LRRC4C: variants seen among roughly 807,000 people sequenced by gnomAD.
The protein encoded by LRRC4C is leucine-rich repeat-containing protein 4C.
A neutral mutation model predicts 33.6 loss-of-function variants in LRRC4C; 5 were observed. The observed-to-expected ratio is 0.15, with a 90% confidence interval of 0.08 to 0.31. The LOEUF (loss-of-function observed/expected upper bound fraction) is 0.31, where lower values mean the gene tolerates loss of function less well. Among genes scored for constraint, LRRC4C ranks in the 10% least tolerant of loss-of-function variants. The pLI is 1.00. For synonymous variants in LRRC4C, 329 were observed against 302.0 expected (o/e 1.09, Z -0.93); for missense variants, 560 against 796.7 (o/e 0.70, Z 3.58).
At chr11:40,487,748 C>T (rs10837422) in intron 3 of LRRC4C, among the ~76,000 whole-genome samples, 6,247 of 152,094 alleles carry the variant, frequency 0.041, 334 homozygotes, top group African/African-American at 0.12. Flanking sequence ...AATCGTTAAA[C>T]TGTACAGATT....
At chr11:40,295,684 GGAAA>G (rs1370197949) in intron 4 of LRRC4C, among the ~76,000 whole-genome samples, 2 of 152,170 alleles carry the variant, frequency 1.3e-5, no homozygotes, top group Non-Finnish European at 2.9e-5. Context: ...ACATGCAAGA[GGAAA>G]GACTTTTCCT....
intron 5 of LRRC4C, among the ~76,000 whole-genome samples, chr11:40,214,610 C>A (rs1590729978): frequency 6.6e-6 from 1 of 152,084 alleles, no homozygotes; most frequent in South Asian, 2.1e-4. Flanking sequence ...AAATAAGATA[C>A]CAGAGAGCTC....
At chr11:40,155,262 G>C (rs1348619416) in intron 5 of LRRC4C, among the ~76,000 whole-genome samples, 1 of 151,916 alleles carries the variant, frequency 6.6e-6, no homozygotes, top group African/African-American at 2.4e-5. Context: ...AACTCTGAAA[G>C]AGTACAAAGA....
intron 3 of LRRC4C, among the ~76,000 whole-genome samples, chr11:40,468,754 A>T (rs545399045): frequency 6.6e-6 from 1 of 152,306 alleles, no homozygotes; most frequent in African/African-American, 2.4e-5. Flanking sequence ...TACAAGTCAA[A>T]CTAAGTATTA....
At position 40,837,239 on chromosome 11, in the gene LRRC4C, G is replaced by A. The variant is rs554871028; in HGVS notation, c.-407+96396C>T. 2.0e-5 allele frequency among the ~76,000 whole-genome samples: 3 copies of A among 152,122 alleles called. No individual in the cohort carries two copies. In the East Asian group the frequency reaches 5.8e-4, roughly 29 times the overall value. On this transcript the variant is annotated intron_variant, in intron 2 of 6. Coordinates refer to ENST00000528697, the MANE Select transcript of LRRC4C (RefSeq NM_001258419.2). ...AACTTCTGTACTAGTTAATTTCAAA[G>A]ATTCATTTCAGGTTTCAAATCTTAA... is the stretch of plus-strand genomic sequence containing the variant.
intron 3 of LRRC4C, among the ~76,000 whole-genome samples, chr11:40,548,914 A>G (rs1028964710): frequency 8.5e-5 from 13 of 152,138 alleles, no homozygotes; most frequent in African/African-American, 3.1e-4. Flanking sequence ...ACAAAATCAC[A>G]AAGCTAGCAA....
chr11:41,103,845 A>AT (rs1203607855), intron 1 of LRRC4C, among the ~76,000 whole-genome samples: 1 of 151,984 alleles, frequency 6.6e-6, no homozygotes, highest in Non-Finnish European at 1.5e-5. Flanking sequence ...TGGTCAACTG[A>AT]TTTTTGAGAA....
chr11:41,259,430 T>C (rs1021881659), intron 1 of LRRC4C, among the ~76,000 whole-genome samples: 14 of 152,188 alleles, frequency 9.2e-5, no homozygotes, highest in Admixed American at 8.5e-4. Context: ...ATTAATTTAT[T>C]CTTGTCTCTA....
intron 5 of LRRC4C, among the ~76,000 whole-genome samples, chr11:40,198,300 T>C (rs538409509): frequency 6.6e-6 from 1 of 152,330 alleles, no homozygotes; most frequent in East Asian, 1.9e-4. Context: ...TGAAGTCTGA[T>C]TCTAACTCAT....
At chr11:41,084,032 G>A (rs1939774897) in intron 1 of LRRC4C, among the ~76,000 whole-genome samples, 1 of 152,088 alleles carries the variant, frequency 6.6e-6, no homozygotes, top group Non-Finnish European at 1.5e-5. Context: ...TTAATTGATA[G>A]GTAAATAACA....
chr11:40,722,362 T>A lies in LRRC4C; in HGVS notation c.-406-74084A>T, dbSNP rs186249678. On this transcript the variant is annotated intron_variant, in intron 2 of 6. Coordinates refer to ENST00000528697, the MANE Select transcript of LRRC4C (RefSeq NM_001258419.2). ...GAGGTACCGCCGCTAAGCGCCTATT[T>A]GCCAGCCTTTACTCTTACGCGCCGT... 7.9e-4 allele frequency among the ~76,000 whole-genome samples: 121 copies of A among 152,288 alleles called. 1 individual carries two copies. Among genetic ancestry groups the A allele is most frequent in the African/African-American group, 2.9e-3 (119 of 41,578 alleles).
chr11:40,661,322 A>G (rs539600085), intron 2 of LRRC4C, among the ~76,000 whole-genome samples: 1 of 152,204 alleles, frequency 6.6e-6, no homozygotes, highest in African/African-American at 2.4e-5. Flanking sequence ...TATTGTATTT[A>G]GCTGTTCAAG....
intron 1 of LRRC4C, among the ~76,000 whole-genome samples, chr11:41,085,940 AAAAAAAAAAAAAGAAAGAAAAG>A (rs1939948571): frequency 1.3e-5 from 2 of 150,510 alleles, no homozygotes; most frequent in African/African-American, 4.8e-5. Flanking sequence ...AAAAAAAAAA[AAAAAAAAAAAAAGAAAGAAAAG>A]AAAAAAACTG....
intron 1 of LRRC4C, among the ~76,000 whole-genome samples, chr11:40,974,572 G>A (rs886860364): frequency 6.6e-6 from 1 of 152,152 alleles, no homozygotes; most frequent in African/African-American, 2.4e-5. Flanking sequence ...TAAAGTTCAA[G>A]CTTGTCAATA....
intron 5 of LRRC4C, 112 bp downstream of exon 5, chr11:40,241,407 A>C (rs1865917518): frequency 6.6e-6 from 1 of 152,110 alleles, no homozygotes; most frequent in Admixed American, 6.6e-5. Flanking sequence ...TAAATAAATA[A>C]ATAACAGAAG....
intron 3 of LRRC4C, among the ~76,000 whole-genome samples, chr11:40,408,877 A>T (rs1247951413): frequency 6.6e-6 from 1 of 152,008 alleles, no homozygotes; most frequent in African/African-American, 2.4e-5. Context: ...AAAAATTCCA[A>T]TGACATTTTT....
At chr11:41,027,137 T>C (rs1046312560) in intron 1 of LRRC4C, among the ~76,000 whole-genome samples, 2 of 151,708 alleles carry the variant, frequency 1.3e-5, no homozygotes, top group Non-Finnish European at 1.5e-5. Flanking sequence ...GGGGATATTC[T>C]ATTTGTCTCT....
At chr11:40,559,149 T>C (rs1957445683) in intron 3 of LRRC4C, among the ~76,000 whole-genome samples, 1 of 151,736 alleles carries the variant, frequency 6.6e-6, no homozygotes, top group Non-Finnish European at 1.5e-5. Flanking sequence ...CTATTGTGAA[T>C]AGTGCTGCAA....
At chr11:40,785,001 A>T (rs1950355671) in intron 2 of LRRC4C, among the ~76,000 whole-genome samples, 1 of 152,208 alleles carries the variant, frequency 6.6e-6, no homozygotes, top group African/African-American at 2.4e-5. Flanking sequence ...AGAACATTTT[A>T]AAAATACCTG....
Sources: allele counts gnomAD v4.1 joint callset (sites outside exome capture counted in the v4.1 genomes callset), GRCh38; gene constraint gnomAD v4.1.1; transcripts MANE v1.5; gene names NCBI Gene and HGNC (gene_info 2026-07-23, HGNC 2026-07-21).